Variants in ADAMTS16 observed in about 807,000 individuals in gnomAD.
ADAMTS16 encodes ADAM metallopeptidase with thrombospondin type 1 motif 16.
A neutral mutation model predicts 145.8 loss-of-function variants in ADAMTS16; 94 were observed. The ratio of observed to expected loss-of-function variants is 0.64; its 90% confidence interval spans 0.55 to 0.77. ADAMTS16 has a LOEUF of 0.77. Ranked by LOEUF, ADAMTS16 falls within the 30% of genes least tolerant of loss-of-function variation. The probability of loss-of-function intolerance (pLI) is 0.00; values close to 1 mark genes in which losing one functional copy is unlikely to be tolerated. For missense variants in ADAMTS16, 1,585 were observed against 1,591.5 expected, an observed-to-expected ratio of 1.00 and a Z score of 0.07; for synonymous variants, 659 against 604.3, an observed-to-expected ratio of 1.09 and a Z score of -1.33.
intron 11 of ADAMTS16, among the ~76,000 whole-genome samples, chr5:5,231,509 C>A (rs868498654): frequency 2.0e-5 from 3 of 152,070 alleles, no homozygotes; most frequent in Non-Finnish European, 2.9e-5. Flanking sequence ...CAGGTCTCCC[C>A]AGCCCACAGA....
intron 8 of ADAMTS16, among the ~76,000 whole-genome samples, chr5:5,197,454 T>C (rs1300634170): frequency 1.3e-5 from 2 of 152,182 alleles, no homozygotes; most frequent in South Asian, 2.1e-4. Flanking sequence ...TAGAAACCTG[T>C]TAGGTACTGT....
chr5:5,224,783 C>T (rs1736710032), intron 11 of ADAMTS16, among the ~76,000 whole-genome samples: 1 of 152,124 alleles, frequency 6.6e-6, no homozygotes, highest in South Asian at 2.1e-4. Flanking sequence ...AGACCAACAG[C>T]CTTTCTGATG....
At chr5:5,228,723 A>G (rs1009028560) in intron 11 of ADAMTS16, among the ~76,000 whole-genome samples, 9 of 152,232 alleles carry the variant, frequency 5.9e-5, no homozygotes, top group Admixed American at 2.6e-4. Flanking sequence ...TCCCCATCTA[A>G]TTAGGAATAA....
At chr5:5,158,370 A>G (rs1734655421) in intron 3 of ADAMTS16, among the ~76,000 whole-genome samples, 1 of 152,146 alleles carries the variant, frequency 6.6e-6, no homozygotes, top group African/African-American at 2.4e-5. Flanking sequence ...ATGGATGGGT[A>G]AATGGATGGA....
chr5:5,196,150 A>G (rs541011560), intron 8 of ADAMTS16, among the ~76,000 whole-genome samples: 12 of 150,136 alleles, frequency 8.0e-5, no homozygotes, highest in Non-Finnish European at 1.6e-4. Context: ...CTCAGGAAGT[A>G]GAACTTGAAC....
intron 3 of ADAMTS16, among the ~76,000 whole-genome samples, chr5:5,158,547 G>A (rs962211340): frequency 1.3e-5 from 2 of 152,124 alleles, no homozygotes; most frequent in African/African-American, 4.8e-5. Flanking sequence ...GAGGCCCTGG[G>A]AGCATATCTG....
chr5:5,306,433 A>T, intron 20 of ADAMTS16, 71 bp from the exon 21 acceptor site: 1 of 1,340,490 alleles, frequency 7.5e-7, no homozygotes, highest in Middle Eastern at 2.2e-4. Flanking sequence ...GATATCTCTG[A>T]TATTTTAACC....
chr5:5,224,973 T>C (rs975955281), intron 11 of ADAMTS16, among the ~76,000 whole-genome samples: 1 of 152,152 alleles, frequency 6.6e-6, no homozygotes, highest in African/African-American at 2.4e-5. Context: ...TTTCCATTGA[T>C]ATTTGACATT....
At chr5:5,313,574 G>T (rs543892880) in intron 21 of ADAMTS16, among the ~76,000 whole-genome samples, 41 of 152,310 alleles carry the variant, frequency 2.7e-4, no homozygotes, top group African/African-American at 8.7e-4. Context: ...TGGGCAGTGT[G>T]GGGGGTGGGG....
chr5:5,170,020 G>A (rs1397572254), intron 3 of ADAMTS16, among the ~76,000 whole-genome samples: 3 of 152,158 alleles, frequency 2.0e-5, no homozygotes. Flanking sequence ...AATAAACATG[G>A]GAGTGCAGAT....
chr5:5,273,378 GCTGATGTGGTGGCA>G (rs1004311386), intron 18 of ADAMTS16, among the ~76,000 whole-genome samples: 6 of 152,178 alleles, frequency 3.9e-5, no homozygotes, highest in African/African-American at 1.2e-4. Flanking sequence ...AAAAAACTTA[GCTGATGTGGTGGCA>G]CACGCCTGTG....
rs1734213957 is a variant in ADAMTS16 at position 5,319,789 on chromosome 5, G to C, written c.*651G>C. ...GGTTTGGGACTTTGCCTATGGAAAT[G>C]GGAAAAATGAAATTCCTGCTAAGGT... On this transcript the variant is annotated 3_prime_UTR_variant, in exon 23 of 23. Coordinates refer to ENST00000274181, the MANE Select transcript of ADAMTS16 (RefSeq NM_139056.4). 2.2e-6 allele frequency: 1 copy of C among 447,720 alleles called. No individual in the cohort carries two copies. The highest frequency in any genetic ancestry group is 1.6e-5 in the South Asian group (1 of 62,860). 27.7% of individuals were successfully genotyped at this position (447,720 alleles called of 1,614,324 possible).
At chr5:5,309,430 T>C (rs1159852472) in intron 21 of ADAMTS16, among the ~76,000 whole-genome samples, 1 of 152,228 alleles carries the variant, frequency 6.6e-6, no homozygotes, top group Non-Finnish European at 1.5e-5. Context: ...GTCTTTGATA[T>C]ACCATATATA....
At chr5:5,191,229 G>T (rs972368551) in intron 7 of ADAMTS16, among the ~76,000 whole-genome samples, 18 of 152,180 alleles carry the variant, frequency 1.2e-4, no homozygotes, top group African/African-American at 4.3e-4. Context: ...GGTGACAAAT[G>T]CTCGTTATGA....
intron 18 of ADAMTS16, among the ~76,000 whole-genome samples, chr5:5,282,830 A>T (rs1738972534): frequency 6.6e-6 from 1 of 152,082 alleles, no homozygotes; most frequent in Non-Finnish European, 1.5e-5. Flanking sequence ...ATTTTAAAAA[A>T]TTTTTACTTT....
intron 7 of ADAMTS16, among the ~76,000 whole-genome samples, chr5:5,191,038 G>T (rs1735650263): frequency 6.6e-6 from 1 of 152,192 alleles, no homozygotes; most frequent in African/African-American, 2.4e-5. Context: ...AGTGTCCCTG[G>T]TGGACAACAT....
chr5:5,191,819 T>C, intron 8 of ADAMTS16, 29 bp downstream of exon 8: 2 of 1,551,138 alleles, frequency 1.3e-6, no homozygotes, highest in Admixed American at 1.9e-5. Context: ...GAGGATGGCA[T>C]CCCGAGTTTT....
chr5:5,180,163 A>G (rs1241860217), intron 3 of ADAMTS16, among the ~76,000 whole-genome samples: 1 of 152,170 alleles, frequency 6.6e-6, no homozygotes, highest in Admixed American at 6.5e-5. Flanking sequence ...TCAGAGGCAA[A>G]TTTAGAATGG....
rs751510818 is a variant in ADAMTS16 at position 5,187,752 on chromosome 5, A to G, written c.991A>G (p.Ile331Val). 6.2e-7 allele frequency: 1 copy of G among 1,612,824 alleles called. No individual in the cohort carries two copies. The highest frequency in any genetic ancestry group is 8.5e-7 in the Non-Finnish European group (1 of 1,178,908). ...ATCTGCTTTATTCAAAGATGGAACA[A>G]TAGGAGGAAACATCAACATTGCAAT... ...MVSALFKDGT[I>V]GGNINIAIVG... Residue 331 changes from isoleucine to valine, a missense_variant, in exon 6 of 23, where the codon ATA becomes GTA. Physicochemically the swap from Ile to Val is conservative, Grantham distance 29 (BLOSUM62 3). Coordinates refer to ENST00000274181, the MANE Select transcript of ADAMTS16 (RefSeq NM_139056.4).
Sources: allele counts gnomAD v4.1 joint callset (sites outside exome capture counted in the v4.1 genomes callset), GRCh38; gene constraint gnomAD v4.1.1; transcripts MANE v1.5; gene names NCBI Gene and HGNC (gene_info 2026-07-23, HGNC 2026-07-21).